ITIH3: variants seen among roughly 807,000 people sequenced by gnomAD.
The protein encoded by ITIH3 is inter-alpha-trypsin inhibitor heavy chain H3.
In ITIH3, 81 loss-of-function variants were observed where a neutral mutation model predicts 96.5. The ratio of observed to expected loss-of-function variants is 0.84; its 90% confidence interval spans 0.70 to 1.01. The LOEUF is 1.01. ITIH3 is among the 50% of genes least tolerant of loss of function. ITIH3 has a pLI of 0.00. For missense variants in ITIH3, 1,057 were observed against 1,139.3 expected (o/e 0.93, Z 1.04); for synonymous variants, 422 against 445.2 (o/e 0.95, Z 0.66).
At position 52,808,598 on chromosome 3, in the gene ITIH3, G is replaced by T; in HGVS notation, c.2590G>T (p.Val864Phe). The change falls in exon 22 of 22, where the codon GTT becomes TTT. Residue 864 changes from valine to phenylalanine, a missense_variant. Transcript: ENST00000449956. ...AAAGGATGCCAGCATCGGCACGAAG[G>T]TTGTCTGCTGGTTCGTCCACAACAA... ...YRKDASIGTK[V>F]VCWFVHNNGE... 6.2e-7 allele frequency: 1 copy of T among 1,614,026 alleles called. No individual in the cohort carries two copies. The highest frequency in any genetic ancestry group is 8.5e-7 in the Non-Finnish European group (1 of 1,179,896).
intron 15 of ITIH3, chr3:52,805,465 G>A (rs1347276783): frequency 2.7e-6 from 3 of 1,120,336 alleles, no homozygotes; most frequent in African/African-American, 1.6e-5. Flanking sequence ...ACAGCCGTGA[G>A]CCTCACTCAC....
rs960918159 is a variant in ITIH3, at chr3:52,798,690, G to C, written c.664-276G>C. On this transcript the variant is annotated intron_variant, in intron 6 of 21. Transcript: ENST00000449956. ...GGGAGCTGGAAGCTGAATCAGCCAA[G>C]GCCTGTGCCCAGCCAGGAGCCCTGA... is the stretch of plus-strand genomic sequence containing the variant. 3 of 483,220 alleles carry C rather than the reference G, an allele frequency of 6.2e-6. No homozygotes were observed. In the East Asian group the frequency reaches 1.1e-4, roughly 17 times the overall value. The allele number at this position is 483,220 out of a possible 1,614,324, so 29.9% of individuals were successfully genotyped here. A position where few individuals can be genotyped will look rare whatever the true frequency, so the allele number is the denominator to read the frequency against.
At chr3:52,804,855 T>TGAGCC in intron 15 of ITIH3, 121 bp downstream of exon 15, 1 of 1,119,760 alleles carries the variant, frequency 8.9e-7, no homozygotes, top group Non-Finnish European at 1.3e-6. Context: ...ACACCTGGGC[T>TGAGCC]CAGGCCCAGC....
intron 20 of ITIH3, 53 bp downstream of exon 20, chr3:52,807,969 GAC>G: frequency 6.3e-7 from 1 of 1,593,650 alleles, no homozygotes; most frequent in Non-Finnish European, 8.6e-7. Flanking sequence ...GCATGGGAAA[GAC>G]ATACACAAGG....
chr3:52,800,933 G>C (rs1433652526), intron 10 of ITIH3, 32 bp from the exon 11 acceptor site: 1 of 1,613,656 alleles, frequency 6.2e-7, no homozygotes, highest in Non-Finnish European at 8.5e-7. Context: ...CCAGGGCTGG[G>C]GCTGGACTGT....
At chr3:52,800,880 G>A (rs1171113564) in intron 10 of ITIH3, 85 bp from the exon 11 acceptor site, 10 of 1,557,292 alleles carry the variant, frequency 6.4e-6, no homozygotes, top group African/African-American at 4.1e-5. Flanking sequence ...CTCTGCATGT[G>A]CAGGAGTCCG....
rs1700029495 is a variant in ITIH3 at position 52,806,044 on chromosome 3, G to A, written c.1907-59G>A. On this transcript the variant is annotated intron_variant, in intron 16 of 21. Transcript: ENST00000449956. ...CATAAGCTGAACTCCTATGGGGGTC[G>A]TCGGGCGCCTCCCAGGGCCACTTGC... 21 of 1,562,488 alleles carry A rather than the reference G, an allele frequency of 1.3e-5. No homozygotes were observed. The South Asian group carries it at 1.4e-4, about 10-fold the overall frequency.
Position 52,796,814 on chromosome 3 carries a change from G to A in ITIH3, c.357G>A (p.Val119=). The stretch of plus-strand genomic sequence containing the variant: ...CCAAGAAGCAGTATGAAAAGGCTGT[G>A]TCCCAGGGCAAGACGGCCGGCTTGG... ...EVAKKQYEKA[V]SQGKTAGLVK... The change falls in exon 4 of 22, where the codon GTG becomes GTA. Residue 119 remains valine (V), a synonymous_variant. Coordinates refer to ENST00000449956, the MANE Select transcript of ITIH3 (RefSeq NM_002217.4). 1 of 1,611,960 alleles carries A rather than the reference G, an allele frequency of 6.2e-7. No individual in the cohort carries two copies. The highest frequency in any genetic ancestry group is 8.5e-7 in the Non-Finnish European group (1 of 1,179,156).
intron 13 of ITIH3, among the ~76,000 whole-genome samples, chr3:52,803,287 T>G (rs921953792): frequency 9.7e-5 from 14 of 143,872 alleles, no homozygotes; most frequent in Admixed American, 2.7e-4. Context: ...TATTTATTTA[T>G]TTATTTATTT....
chr3:52,800,333 T>C, intron 9 of ITIH3: 1 of 618,928 alleles, frequency 1.6e-6, no homozygotes, highest in South Asian at 2.0e-5. Flanking sequence ...CATGTGCCTT[T>C]CATCCCCATT....
chr3:52,805,242 C>T, intron 15 of ITIH3: 1 of 975,916 alleles, frequency 1.0e-6, no homozygotes, highest in Non-Finnish European at 1.2e-6. Flanking sequence ...ACTGGAACCT[C>T]ACAAACTCCC....
intron 13 of ITIH3, 42 bp from the exon 14 acceptor site, chr3:52,803,813 G>A (rs1699938376): frequency 8.1e-6 from 13 of 1,608,516 alleles, no homozygotes; most frequent in Non-Finnish European, 1.0e-5. Flanking sequence ...TGGGCAGGGT[G>A]CTGCTCTCCA....
intron 14 of ITIH3, 132 bp downstream of exon 14, chr3:52,804,141 G>A (rs1422648199): frequency 7.4e-6 from 7 of 947,978 alleles, no homozygotes; most frequent in Non-Finnish European, 9.4e-6. Flanking sequence ...AGGAAAACTG[G>A]CCACGGGATG....
intron 17 of ITIH3, 57 bp downstream of exon 17, chr3:52,806,195 T>C: frequency 2.5e-6 from 4 of 1,596,652 alleles, no homozygotes; most frequent in East Asian, 2.3e-5. Context: ...TGCTCCTGCC[T>C]GTCTCGGAGT....
chr3:52,800,337 C>T, intron 9 of ITIH3: 1 of 623,126 alleles, frequency 1.6e-6, no homozygotes, highest in Non-Finnish European at 2.8e-6. Context: ...TGCCTTTCAT[C>T]CCCATTTGAA....
chr3:52,804,030 C>G, intron 14 of ITIH3, 21 bp downstream of exon 14: 1 of 1,605,270 alleles, frequency 6.2e-7, no homozygotes, highest in Non-Finnish European at 8.5e-7. Flanking sequence ...GGATGGAGGC[C>G]GGAACCCGGA....
In ITIH3 at chr3:52,799,475, G is replaced by T; in HGVS notation, c.893G>T (p.Arg298Leu). The T allele has an allele frequency of 2.5e-6, 4 of 1,608,868 alleles. No individual in the cohort carries two copies. The highest frequency in any genetic ancestry group is 3.4e-6 in the Non-Finnish European group (4 of 1,177,720). ...VIDISGSMAG[R>L]KLEQTKEALL... ...GACATCAGCGGCTCCATGGCTGGTC[G>T]GAAATTAGAGCAGGTAATCAGCACC... is the stretch of plus-strand genomic sequence containing the variant. Residue 298 changes from arginine to leucine, a missense_variant, in exon 8 of 22, where the codon CGG (arginine) becomes CTG (leucine). Coordinates refer to ENST00000449956, the MANE Select transcript of ITIH3 (RefSeq NM_002217.4).
At chr3:52,808,067 G>A (rs1298230207) in intron 20 of ITIH3, 43 bp from the exon 21 acceptor site, 1 of 1,601,968 alleles carries the variant, frequency 6.2e-7, no homozygotes, top group East Asian at 2.2e-5. Flanking sequence ...CGTTACCCGT[G>A]GCAATGGCCA....
intron 15 of ITIH3, 60 bp from the exon 16 acceptor site, chr3:52,805,748 A>G (rs1442944262): frequency 1.1e-5 from 18 of 1,609,208 alleles, no homozygotes; most frequent in Non-Finnish European, 1.5e-5. Flanking sequence ...GGAGGAAGGC[A>G]CGGGGCTGGG....
Sources: gnomAD v4.1 joint callset for allele counts (sites outside exome capture counted in the v4.1 genomes callset) on GRCh38, gnomAD v4.1.1 for gene constraint, MANE v1.5 for transcripts, NCBI Gene and HGNC (gene_info 2026-07-23, HGNC 2026-07-21) for gene names.